FRMD4A: variants seen among roughly 807,000 people sequenced by gnomAD.
FRMD4A encodes FERM domain containing 4A, also known as FERM domain-containing protein 4A.
Under a neutral mutation model 129.1 loss-of-function variants are expected in FRMD4A, and 29 were observed. The ratio of observed to expected loss-of-function variants is 0.22; its 90% CI spans 0.17 to 0.31. FRMD4A has a LOEUF of 0.31. Among genes scored for constraint, FRMD4A ranks in the 10% least tolerant of loss-of-function variants. The probability of loss-of-function intolerance (pLI) is 1.00; values close to 1 mark genes in which losing one functional copy is unlikely to be tolerated. For synonymous variants in FRMD4A, 634 were observed against 571.6 expected, an observed-to-expected ratio of 1.11 and a Z score of -1.56; for missense variants, 1,272 against 1,375.8, an observed-to-expected ratio of 0.92 and a Z score of 1.19.
At chr10:13,647,482 C>A (rs11258496) in intron 24 of FRMD4A, 40,219 of 151,962 alleles carry the variant, frequency 0.26, 5,765 homozygotes, top group East Asian at 0.59. Context: ...CACACGACAG[C>A]TGCCCGGGTT....
At chr10:14,071,585 A>G (rs901499113) in intron 2 of FRMD4A, among the ~76,000 whole-genome samples, 64 of 152,232 alleles carry the variant, frequency 4.2e-4, no homozygotes, top group Non-Finnish European at 5.6e-4. Context: ...ATTAGAAAAT[A>G]TTTTTAAATT....
chr10:13,986,986 T>A (rs1355047479), intron 2 of FRMD4A, among the ~76,000 whole-genome samples: 1 of 152,064 alleles, frequency 6.6e-6, no homozygotes, highest in Non-Finnish European at 1.5e-5. Flanking sequence ...AATTTGCATT[T>A]CAAACAGGTT....
intron 2 of FRMD4A, among the ~76,000 whole-genome samples, chr10:14,309,259 G>A (rs1467054154): frequency 6.6e-6 from 1 of 152,104 alleles, no homozygotes; most frequent in African/African-American, 2.4e-5. Context: ...AGACTAGCTT[G>A]GACAACATAG....
chr10:13,704,853 T>G (rs1189525982), intron 13 of FRMD4A, among the ~76,000 whole-genome samples: 1 of 151,866 alleles, frequency 6.6e-6, no homozygotes, highest in Non-Finnish European at 1.5e-5. Context: ...GGAGGATTGC[T>G]TGAGCTTGGG....
intron 2 of FRMD4A, among the ~76,000 whole-genome samples, chr10:14,213,661 G>A (rs1174785648): frequency 1.3e-5 from 2 of 152,218 alleles, no homozygotes; most frequent in Non-Finnish European, 1.5e-5. Context: ...AGCCCATCAT[G>A]TTCTCTGTCT....
intron 2 of FRMD4A, among the ~76,000 whole-genome samples, chr10:14,094,592 G>C (rs550575559): frequency 5.9e-5 from 9 of 152,178 alleles, no homozygotes; most frequent in African/African-American, 1.7e-4. Flanking sequence ...GCATGGTACT[G>C]ATTCAGTGAG....
chr10:13,943,675 A>AAAAAAAAAAAAAAAAAAAAAAAAG (rs2095310696), intron 2 of FRMD4A, among the ~76,000 whole-genome samples: 2 of 123,710 alleles, frequency 1.6e-5, no homozygotes, highest in Non-Finnish European at 3.5e-5. Context: ...AAAAAAAAAA[A>AAAAAAAAAAAAAAAAAAAAAAAAG]AAAAGAAAAA....
chr10:13,755,821 T>C (rs988046698), intron 8 of FRMD4A, among the ~76,000 whole-genome samples: 10 of 152,234 alleles, frequency 6.6e-5, no homozygotes, highest in Non-Finnish European at 8.8e-5. Flanking sequence ...TTTCATCTTG[T>C]AGAGATGTCA....
chr10:14,234,018 A>G (rs530807892), intron 2 of FRMD4A, among the ~76,000 whole-genome samples: 27 of 152,232 alleles, frequency 1.8e-4, no homozygotes, highest in Non-Finnish European at 3.8e-4. Flanking sequence ...AAGGGCTAAG[A>G]AAGAAATCCC....
At chr10:13,960,506 C>T (rs2095439758) in intron 2 of FRMD4A, among the ~76,000 whole-genome samples, 1 of 152,210 alleles carries the variant, frequency 6.6e-6, no homozygotes, top group African/African-American at 2.4e-5. Context: ...TATATAGTCT[C>T]ATTCATTCCT....
At chr10:13,831,480 T>C (rs549481160) in intron 3 of FRMD4A, among the ~76,000 whole-genome samples, 1 of 152,304 alleles carries the variant, frequency 6.6e-6, no homozygotes, top group East Asian at 1.9e-4. Flanking sequence ...TTAAGATTGC[T>C]GTTAGGAAAC....
At chr10:13,995,789 C>G (rs148601852) in intron 2 of FRMD4A, among the ~76,000 whole-genome samples, 3 of 151,378 alleles carry the variant, frequency 2.0e-5, no homozygotes, top group Non-Finnish European at 4.4e-5. Context: ...GATTTCAAAT[C>G]GACAAGTGCC....
At position 14,323,743 on chromosome 10, in the gene FRMD4A, A is replaced by T. The variant is rs149281424; in HGVS notation, c.45+6315T>A. Among the ~76,000 whole-genome samples the T allele has an allele frequency of 1.8e-3, 278 of 152,274 alleles. 2 individuals carry two copies. Among genetic ancestry groups the T allele is most frequent in the African/African-American group, 6.5e-3 (272 of 41,560 alleles). On this transcript the variant is annotated intron_variant, in intron 2 of 24. Coordinates refer to ENST00000357447, the MANE Select transcript of FRMD4A (RefSeq NM_018027.5). ...CCTTCCTTTCAGTAGGTCTAGACAC[A>T]TTAGCCAGCCTGATTAGTCAGAAAT...
intron 3 of FRMD4A, among the ~76,000 whole-genome samples, chr10:13,849,756 G>C (rs1002479771): frequency 1.3e-5 from 2 of 151,364 alleles, no homozygotes; most frequent in African/African-American, 4.9e-5. Context: ...TGGGATTACA[G>C]GTGTGAGCCA....
At chr10:13,955,396 C>T (rs937820406) in intron 2 of FRMD4A, among the ~76,000 whole-genome samples, 3 of 152,210 alleles carry the variant, frequency 2.0e-5, no homozygotes, top group African/African-American at 7.2e-5. Context: ...GTGTTAGCCA[C>T]TATGCTTGGC....
At chr10:14,329,988 C>A (rs1843450833) in intron 2 of FRMD4A, 70 bp downstream of exon 2, 1 of 1,414,154 alleles carries the variant, frequency 7.1e-7, no homozygotes, top group Non-Finnish European at 9.8e-7. Context: ...GCAGCGGCAG[C>A]AGCAGCCCAC....
chr10:13,920,887 G>T (rs1444857132), intron 2 of FRMD4A, among the ~76,000 whole-genome samples: 4 of 152,086 alleles, frequency 2.6e-5, no homozygotes, highest in Non-Finnish European at 4.4e-5. Context: ...TAGTAGGGTG[G>T]TAACTAACAC....
intron 2 of FRMD4A, among the ~76,000 whole-genome samples, chr10:14,153,180 C>A (rs1017084357): frequency 3.9e-5 from 6 of 152,212 alleles, no homozygotes; most frequent in Admixed American, 3.9e-4. Context: ...ATGGAAATCC[C>A]TGCTCATCCA....
At chr10:14,024,086 C>T (rs35164965) in intron 2 of FRMD4A, among the ~76,000 whole-genome samples, 27,726 of 152,216 alleles carry the variant, frequency 0.18, 3,110 homozygotes, top group East Asian at 0.44. Context: ...TTTCTTCACC[C>T]TATTCATTCA....
Sources: allele counts gnomAD v4.1 joint callset (sites outside exome capture counted in the v4.1 genomes callset), GRCh38; gene constraint gnomAD v4.1.1; transcripts MANE v1.5; gene names NCBI Gene and HGNC (gene_info 2026-07-23, HGNC 2026-07-21).